The following FYN variants were observed in gnomAD, a reference collection of about 807,000 sequenced individuals.
FYN encodes FYN proto-oncogene, Src family tyrosine kinase, also known as tyrosine-protein kinase Fyn.
FYN carries 10 observed loss-of-function variants against 70.2 expected under a neutral mutation model. The ratio of observed to expected loss-of-function variants is 0.14; its 90% confidence interval spans 0.09 to 0.24. The LOEUF (loss-of-function observed/expected upper bound fraction) is 0.24. FYN is among the 10% of genes least tolerant of loss of function. FYN has a pLI of 1.00. For synonymous variants in FYN, 236 were observed against 248.6 expected, an observed-to-expected ratio of 0.95 and a Z score of 0.48; for missense variants, 319 against 673.1, an observed-to-expected ratio of 0.47 and a Z score of 5.82.
intron 3 of FYN, among the ~76,000 whole-genome samples, chr6:111,738,666 G>C (rs1801811885): frequency 6.6e-6 from 1 of 152,160 alleles, no homozygotes; most frequent in Admixed American, 6.5e-5. Flanking sequence ...TGATGGGCTT[G>C]GGTCGGCATT....
At chr6:111,780,206 T>C (rs1259416259) in intron 3 of FYN, among the ~76,000 whole-genome samples, 1 of 152,184 alleles carries the variant, frequency 6.6e-6, no homozygotes, top group Non-Finnish European at 1.5e-5. Context: ...GTCACACGGA[T>C]CTCTCTGCTT....
At chr6:111,841,363 G>A (rs907034601) in intron 2 of FYN, among the ~76,000 whole-genome samples, 1 of 152,208 alleles carries the variant, frequency 6.6e-6, no homozygotes, top group Non-Finnish European at 1.5e-5. Context: ...AATGAAAGAT[G>A]TGTAAAAAAA....
chr6:111,860,080 C>G (rs1773919678), intron 1 of FYN, among the ~76,000 whole-genome samples: 1 of 152,104 alleles, frequency 6.6e-6, no homozygotes, highest in South Asian at 2.1e-4. Flanking sequence ...GAATCTCCTT[C>G]AGGGACTCCA....
chr6:111,768,798 C>T (rs1332144947), intron 3 of FYN, among the ~76,000 whole-genome samples: 2 of 152,200 alleles, frequency 1.3e-5, no homozygotes, highest in East Asian at 3.8e-4. Flanking sequence ...TACTTGGAAA[C>T]AAAATCTAGG....
At chr6:111,798,895 G>C (rs902547893) in intron 2 of FYN, among the ~76,000 whole-genome samples, 10 of 151,978 alleles carry the variant, frequency 6.6e-5, no homozygotes, top group African/African-American at 2.4e-4. Flanking sequence ...AAACATAAAG[G>C]GTCAGAAATA....
chr6:111,768,748 A>T (rs1016166633), intron 3 of FYN, among the ~76,000 whole-genome samples: 11 of 152,146 alleles, frequency 7.2e-5, no homozygotes, highest in African/African-American at 2.7e-4. Flanking sequence ...GTCAACTATT[A>T]ATATTGAGGA....
At chr6:111,741,372 G>A (rs1225418612) in intron 3 of FYN, among the ~76,000 whole-genome samples, 2 of 152,162 alleles carry the variant, frequency 1.3e-5, no homozygotes, top group African/African-American at 4.8e-5. Flanking sequence ...TAATGGCTAT[G>A]GTGAGATGTT....
At chr6:111,673,222 C>T (rs998486149) in intron 13 of FYN, among the ~76,000 whole-genome samples, 8 of 152,176 alleles carry the variant, frequency 5.3e-5, no homozygotes, top group Non-Finnish European at 8.8e-5. Context: ...TCCCCCAGGG[C>T]GGCCCTTTCT....
intron 3 of FYN, among the ~76,000 whole-genome samples, chr6:111,757,790 T>C (rs1338976477): frequency 1.3e-5 from 2 of 152,212 alleles, no homozygotes; most frequent in African/African-American, 2.4e-5. Context: ...TCATTTAAAT[T>C]CTAAGAACTT....
At chr6:111,669,174 C>T (rs1798143324) in intron 13 of FYN, among the ~76,000 whole-genome samples, 1 of 152,104 alleles carries the variant, frequency 6.6e-6, no homozygotes, top group Non-Finnish European at 1.5e-5. Flanking sequence ...GTGGCTCACA[C>T]CTGTAATCCC....
intron 3 of FYN, among the ~76,000 whole-genome samples, chr6:111,754,968 G>GTT (rs56205301): frequency 0.052 from 7,392 of 142,776 alleles, 235 homozygotes; most frequent in East Asian, 0.14. Context: ...AATTTAAGCT[G>GTT]TTTTTTTTTT....
Position 111,663,713 on chromosome 6 carries a change from G to A in FYN, c.1406-1766C>T, listed in dbSNP as rs575870038. On this transcript the variant is annotated intron_variant, in intron 13 of 13. Coordinates refer to ENST00000354650, the MANE Select transcript of FYN (RefSeq NM_002037.5). ...GAGAGAGGTTTGGTGAAGGAGTCAG[G>A]GTCCCTGCCTCTGTGCCATGCATGC... Among the ~76,000 whole-genome samples the A allele has an allele frequency of 8.5e-5, 13 of 152,262 alleles. No individual in the cohort carries two copies. The South Asian group carries it at 2.5e-3, about 29-fold the overall frequency.
At chr6:111,773,157 G>A (rs1803516667) in intron 3 of FYN, among the ~76,000 whole-genome samples, 1 of 150,546 alleles carries the variant, frequency 6.6e-6, no homozygotes, top group African/African-American at 2.4e-5. Flanking sequence ...AACAAATGGT[G>A]AATTTAGGCA....
intron 9 of FYN, 191 bp downstream of exon 9, chr6:111,699,913 C>CTTTTTTTTTTT (rs71021861): frequency 3.2e-5 from 6 of 186,564 alleles, no homozygotes; most frequent in East Asian, 2.5e-4. Context: ...CACTTACTAT[C>CTTTTTTTTTTT]TTTTTTTTTT....
intron 4 of FYN, among the ~76,000 whole-genome samples, chr6:111,718,927 G>GA (rs958374720): frequency 2.2e-4 from 33 of 152,062 alleles, no homozygotes; most frequent in Admixed American, 1.4e-3. Context: ...GGTGCAGAGG[G>GA]AAAAAAAACT....
intron 13 of FYN, among the ~76,000 whole-genome samples, chr6:111,673,622 G>GATTTTTTTTTTTTT (rs1554272185): frequency 8.6e-6 from 1 of 116,556 alleles, no homozygotes; most frequent in Non-Finnish European, 1.7e-5. Context: ...TTCTATCATT[G>GATTTTTTTTTTTTT]TTTTTTTTTT....
At chr6:111,689,885 G>A (rs556167113) in intron 12 of FYN, among the ~76,000 whole-genome samples, 1 of 152,266 alleles carries the variant, frequency 6.6e-6, no homozygotes, top group South Asian at 2.1e-4. Flanking sequence ...TCATCGGGCT[G>A]CACACTTCAG....
chr6:111,748,707 A>G (rs1802348014), intron 3 of FYN, among the ~76,000 whole-genome samples: 1 of 152,244 alleles, frequency 6.6e-6, no homozygotes, highest in Non-Finnish European at 1.5e-5. Context: ...CAGCATGAAA[A>G]AAGAATGTAA....
chr6:111,786,010 T>C (rs148490093), intron 2 of FYN, among the ~76,000 whole-genome samples: 2,820 of 151,946 alleles, frequency 0.019, 107 homozygotes, highest in African/African-American at 0.064. Flanking sequence ...ATTCTTTTTT[T>C]ATGGCTGCAT....
Sources: allele counts gnomAD v4.1 joint callset (sites outside exome capture counted in the v4.1 genomes callset), GRCh38; gene constraint gnomAD v4.1.1; transcripts MANE v1.5; gene names NCBI Gene and HGNC (gene_info 2026-07-23, HGNC 2026-07-21).